The following LRPPRC variants were observed in gnomAD, a reference collection of about 807,000 sequenced individuals.
The protein encoded by LRPPRC is leucine-rich PPR motif-containing protein, mitochondrial.
LRPPRC carries 120 observed loss-of-function variants against 180.3 expected under a neutral mutation model. The observed-to-expected ratio is 0.67, with a 90% CI of 0.57 to 0.77. The LOEUF is 0.77. Ranked by LOEUF, LRPPRC falls within the 30% of genes least tolerant of loss-of-function variation. LRPPRC has a pLI of 0.00. For synonymous variants in LRPPRC, 723 were observed against 600.0 expected (o/e 1.21, Z -3.00); for missense variants, 2,012 against 1,657.2 (o/e 1.21, Z -3.72).
At chr2:43,979,700 A>G (rs1003573682) in intron 3 of LRPPRC, 126 bp downstream of exon 3, 1 of 781,122 alleles carries the variant, frequency 1.3e-6, no homozygotes, top group East Asian at 2.7e-5. Flanking sequence ...AATATTATCA[A>G]AAAATTATGA....
Position 43,901,544 on chromosome 2 carries a change from G to C in LRPPRC, c.3365-20C>G. 1 of 1,545,156 alleles carries C rather than the reference G, an allele frequency of 6.5e-7. No homozygotes were observed. Among genetic ancestry groups the C allele is most frequent in the Non-Finnish European group, 9.0e-7 (1 of 1,117,112 alleles). ...CAGCCTCTAAAATACAAGAGCAGGA[G>C]ATGGCTTTTCTTATATGACCTGTGC... On this transcript the variant is annotated intron_variant, in intron 31 of 37. Coordinates refer to ENST00000260665, the MANE Select transcript of LRPPRC (RefSeq NM_133259.4).
chr2:43,938,889 A>C (rs1672369067), intron 23 of LRPPRC, among the ~76,000 whole-genome samples: 1 of 146,342 alleles, frequency 6.8e-6, no homozygotes, highest in East Asian at 1.9e-4. Flanking sequence ...CACGAGTGAC[A>C]ACTATCTATT....
At chr2:43,963,525 C>T (rs376531973) in intron 12 of LRPPRC, 63 bp downstream of exon 12, 1 of 1,020,284 alleles carries the variant, frequency 9.8e-7, no homozygotes, top group Non-Finnish European at 1.6e-6. Flanking sequence ...TGTGTCAACA[C>T]TAAACATTAA....
chr2:43,951,828 CCTTT>C (rs1310527899), intron 14 of LRPPRC, among the ~76,000 whole-genome samples: 1 of 133,920 alleles, frequency 7.5e-6, no homozygotes, highest in African/African-American at 2.7e-5. Flanking sequence ...AGCTGGGCTT[CCTTT>C]ATTTATTTAT....
chr2:43,931,416 A>C (rs977707915), intron 25 of LRPPRC, among the ~76,000 whole-genome samples: 2 of 152,328 alleles, frequency 1.3e-5, no homozygotes, highest in Admixed American at 6.5e-5. Flanking sequence ...ATAATGTACC[A>C]GACAATCCAG....
chr2:43,972,047 G>T (rs1673841729), intron 11 of LRPPRC, among the ~76,000 whole-genome samples: 1 of 152,200 alleles, frequency 6.6e-6, no homozygotes, highest in Admixed American at 6.5e-5. Context: ...CAGCAGCTAA[G>T]AATTTTTAGA....
intron 7 of LRPPRC, 36 bp from the exon 8 acceptor site, chr2:43,974,794 G>C (rs1156965427): frequency 6.2e-7 from 1 of 1,600,900 alleles, no homozygotes; most frequent in South Asian, 1.1e-5. Context: ...GACAAAGTTA[G>C]AGTGTTTTTA....
intron 31 of LRPPRC, 63 bp downstream of exon 31, chr2:43,905,629 G>A: frequency 8.7e-7 from 1 of 1,149,708 alleles, no homozygotes; most frequent in Non-Finnish European, 1.3e-6. Context: ...GTATTCGAAG[G>A]GCGTTACAAG....
chr2:43,940,845 G>A (rs970083208), intron 23 of LRPPRC, among the ~76,000 whole-genome samples: 17 of 152,058 alleles, frequency 1.1e-4, no homozygotes, highest in African/African-American at 3.4e-4. Context: ...TAATGTGACG[G>A]ATTGCTGTCA....
intron 25 of LRPPRC, among the ~76,000 whole-genome samples, chr2:43,927,944 C>T (rs1455795855): frequency 6.6e-6 from 1 of 152,032 alleles, no homozygotes; most frequent in Non-Finnish European, 1.5e-5. Flanking sequence ...TTAAAAACTG[C>T]AAGTTGAAAG....
At chr2:43,893,917 C>T (rs1468107029) in intron 36 of LRPPRC, among the ~76,000 whole-genome samples, 2 of 152,134 alleles carry the variant, frequency 1.3e-5, no homozygotes, top group Non-Finnish European at 2.9e-5. Flanking sequence ...GTGAGCAAAT[C>T]AGTGGGCCAC....
At chr2:43,890,102 C>T (rs999424665) in intron 36 of LRPPRC, 2 of 579,420 alleles carry the variant, frequency 3.5e-6, no homozygotes, top group Non-Finnish European at 6.3e-6. Context: ...ACAAATATGG[C>T]TACATTTAAA....
intron 14 of LRPPRC, among the ~76,000 whole-genome samples, chr2:43,955,164 A>T (rs1447665156): frequency 6.6e-6 from 1 of 152,102 alleles, no homozygotes; most frequent in Non-Finnish European, 1.5e-5. Flanking sequence ...CAAAGAGATC[A>T]ATGAATCAAA....
chr2:43,923,447 G>A (rs1282011536), intron 27 of LRPPRC, among the ~76,000 whole-genome samples: 2 of 152,130 alleles, frequency 1.3e-5, no homozygotes, highest in East Asian at 1.9e-4. Context: ...AGCTCTGATC[G>A]CACCACTGTA....
intron 15 of LRPPRC, among the ~76,000 whole-genome samples, 192 bp downstream of exon 15, chr2:43,950,381 T>C (rs752725350): frequency 7.9e-5 from 12 of 152,142 alleles, no homozygotes; most frequent in East Asian, 1.9e-4. Flanking sequence ...CCTCCTCCCA[T>C]TGGATTCTTA....
intron 1 of LRPPRC, among the ~76,000 whole-genome samples, chr2:43,992,923 G>C (rs187364621): frequency 1.3e-3 from 194 of 152,198 alleles, no homozygotes; most frequent in African/African-American, 4.6e-3. Context: ...GTAATGCCCT[G>C]AAAAATGGAA....
Position 43,946,136 on chromosome 2 carries a change from A to G in LRPPRC, c.2187T>C (p.Asp729=). ...NLCCRHDKVE[D]ALNLKEEFDR... is the part of the protein sequence containing the mutation. Reference sequence around the variant, plus strand: ...ACAATTCTTCTTTCAAGTTCAAGGCATCTTCTACTTTATCATGTCGACAGC... The same window carrying G: ...ACAATTCTTCTTTCAAGTTCAAGGCGTCTTCTACTTTATCATGTCGACAGC... Residue 729 remains aspartate (D), a synonymous_variant, in exon 21 of 38, where the codon GAT becomes GAC. Transcript: ENST00000260665. The G allele has an allele frequency of 6.2e-7, 1 of 1,612,630 alleles. No individual in the cohort carries two copies. The highest frequency in any genetic ancestry group is 1.3e-5 in the African/African-American group (1 of 74,998).
intron 13 of LRPPRC, among the ~76,000 whole-genome samples, chr2:43,960,007 T>G (rs980404516): frequency 4.6e-5 from 7 of 152,248 alleles, no homozygotes; most frequent in African/African-American, 1.7e-4. Context: ...TCTCTATGCC[T>G]TTAGTCATCT....
chr2:43,981,866 G>A (rs1179279736), intron 2 of LRPPRC, among the ~76,000 whole-genome samples: 1 of 151,692 alleles, frequency 6.6e-6, no homozygotes, highest in Admixed American at 6.6e-5. Context: ...TATGTTTAAT[G>A]GCAAAAACTG....
Sources: allele counts gnomAD v4.1 joint callset (sites outside exome capture counted in the v4.1 genomes callset), GRCh38; gene constraint gnomAD v4.1.1; transcripts MANE v1.5; gene names NCBI Gene and HGNC (gene_info 2026-07-23, HGNC 2026-07-21).